Variants in ANKRD17 observed in about 807,000 individuals in gnomAD.
ANKRD17 encodes ankyrin repeat domain-containing protein 17.
Under a neutral mutation model 229.7 loss-of-function variants are expected in ANKRD17, and 19 were observed. That is an observed-to-expected ratio of 0.08 (90% CI 0.06 to 0.12). ANKRD17 has a LOEUF of 0.12. Ranked by LOEUF, ANKRD17 falls within the 10% of genes least tolerant of loss-of-function variation. The pLI, the probability that ANKRD17 is intolerant of heterozygous loss-of-function variation, is 1.00. For missense variants in ANKRD17, 2,176 were observed against 3,176.8 expected (o/e 0.68, Z 7.57); for synonymous variants, 1,112 against 1,146.1 (o/e 0.97, Z 0.60).
rs537285641 is a variant in ANKRD17, at chr4:73,250,688, T to TTTGTTG, written c.393+7582_393+7587dup. 3.6e-3 allele frequency among the ~76,000 whole-genome samples: 541 copies of TTTGTTG among 148,706 alleles called. 5 individuals are homozygous for TTTGTTG. Among genetic ancestry groups the TTTGTTG allele is most frequent in the African/African-American group, 0.011 (447 of 40,134 alleles). On this transcript the variant is annotated intron_variant, in intron 1 of 33. Coordinates refer to ENST00000358602, the MANE Select transcript of ANKRD17 (RefSeq NM_032217.5). ...GAATTCCTCAAGTACTGTAACGGTT[T>TTTGTTG]TTGTTGTTGTTGTTGTTGTTGTTGT...
chr4:73,169,764 G>A (rs1466740099), intron 2 of ANKRD17, among the ~76,000 whole-genome samples: 2 of 152,210 alleles, frequency 1.3e-5, no homozygotes, highest in Non-Finnish European at 2.9e-5. Context: ...GCAACTGTAA[G>A]ACGGAGAGCA....
chr4:73,153,087 G>A (rs1002596901), intron 6 of ANKRD17, among the ~76,000 whole-genome samples: 3 of 152,126 alleles, frequency 2.0e-5, no homozygotes, highest in African/African-American at 7.2e-5. Context: ...AGTGCTGGGT[G>A]CAAAATTTAA....
At chr4:73,113,957 T>G (rs752978909) in intron 23 of ANKRD17, 49 bp from the exon 24 acceptor site, 3 of 1,344,260 alleles carry the variant, frequency 2.2e-6, no homozygotes, top group Non-Finnish European at 3.2e-6. Context: ...CAATTCTCAC[T>G]TAGAGAAATT....
intron 2 of ANKRD17, among the ~76,000 whole-genome samples, chr4:73,166,579 C>A (rs889268523): frequency 1.3e-5 from 2 of 152,124 alleles, no homozygotes; most frequent in Non-Finnish European, 2.9e-5. Context: ...AGCAACCAGA[C>A]AGTGCCTATG....
chr4:73,258,671 C>A lies in ANKRD17; in HGVS notation c.-3G>T. The A allele has an allele frequency of 1.4e-5, 21 of 1,472,976 alleles. No individual in the cohort carries two copies. The highest frequency in any genetic ancestry group is 1.9e-5 in the Non-Finnish European group (21 of 1,121,320). 91.2% of individuals were successfully genotyped at this position (1,472,976 alleles called of 1,614,324 possible). A position where few individuals can be genotyped will look rare whatever the true frequency, so the allele number is the denominator to read the frequency against. ...ACCGGAACCGTCGCCTTCTCCATCCCCAGGGAAAGAGGGAGGGCGCGGACG... is the reference window on the plus strand; with the variant it reads ...ACCGGAACCGTCGCCTTCTCCATCCACAGGGAAAGAGGGAGGGCGCGGACG... On this transcript the variant is annotated 5_prime_UTR_variant, in exon 1 of 34. Coordinates refer to ENST00000358602, the MANE Select transcript of ANKRD17 (RefSeq NM_032217.5).
intron 1 of ANKRD17, among the ~76,000 whole-genome samples, chr4:73,236,964 G>C (rs759902461): frequency 2.0e-5 from 3 of 152,114 alleles, no homozygotes; most frequent in Non-Finnish European, 4.4e-5. Flanking sequence ...GAGAAATAGT[G>C]TAAGAAAAGA....
At chr4:73,155,110 G>A (rs1461291050) in intron 5 of ANKRD17, among the ~76,000 whole-genome samples, 1 of 151,162 alleles carries the variant, frequency 6.6e-6, no homozygotes, top group Non-Finnish European at 1.5e-5. Flanking sequence ...ATATTTCCAT[G>A]AAATTTTAGA....
At chr4:73,088,355 T>C (rs900455087) in intron 29 of ANKRD17, among the ~76,000 whole-genome samples, 18 of 152,196 alleles carry the variant, frequency 1.2e-4, no homozygotes, top group Admixed American at 5.2e-4. Flanking sequence ...AATTAGGTAA[T>C]TGACTTGTAA....
In ANKRD17 at chr4:73,158,614, A is replaced by G. The variant is rs28385487; in HGVS notation, c.705-2448T>C. 9.2e-3 allele frequency among the ~76,000 whole-genome samples: 1,396 copies of G among 152,214 alleles called. 11 individuals carry two copies. Among genetic ancestry groups the G allele is most frequent in the Middle Eastern group, 0.017 (5 of 294 alleles). On this transcript the variant is annotated intron_variant, in intron 3 of 33. Coordinates refer to ENST00000358602, the MANE Select transcript of ANKRD17 (RefSeq NM_032217.5). Reference sequence around the variant, plus strand: ...GGTTTGCATATTTGTCCTCTCCAAAACTCATGTGAAATTTAACCCCAAATG... The same window carrying G: ...GGTTTGCATATTTGTCCTCTCCAAAGCTCATGTGAAATTTAACCCCAAATG...
At position 73,091,165 on chromosome 4, in the gene ANKRD17, C is replaced by T. The variant is rs780749554; in HGVS notation, c.6463G>A (p.Val2155Met). 4 of 1,614,136 alleles carry T rather than the reference C, an allele frequency of 2.5e-6. No individual in the cohort carries two copies. The highest frequency in any genetic ancestry group is 1.7e-5 in the Admixed American group (1 of 60,010). The stretch of plus-strand genomic sequence containing the variant: ...GGTGTCTGAGGCATAGGGTAAGTCA[C>T]TGGGGCAGTAGAAGGCACCGCCACT... ...APVAVPSTAP[V>M]TYPMPQTPMG... Residue 2155 changes from valine (V) to methionine (M), a missense_variant, in exon 29 of 34, where the codon GTG (valine) becomes ATG (methionine). Around this residue, in one of 18 missense-constraint regions of ANKRD17, gnomAD observed 424 missense variants for 454.0 expected, o/e 0.93. Coordinates refer to ENST00000358602, the MANE Select transcript of ANKRD17 (RefSeq NM_032217.5).
chr4:73,076,705 C>A (rs1721035206), intron 33 of ANKRD17, among the ~76,000 whole-genome samples: 1 of 152,140 alleles, frequency 6.6e-6, no homozygotes. Context: ...AACTTAAAAT[C>A]TTTCATTTAT....
chr4:73,121,799 A>G (rs199878110), intron 18 of ANKRD17, 40 bp from the exon 19 acceptor site: 57 of 1,545,512 alleles, frequency 3.7e-5, no homozygotes, highest in Non-Finnish European at 5.0e-5. Context: ...TCTTATGGAG[A>G]GACAAATTAC....
At chr4:73,228,428 T>G (rs1742723419) in intron 1 of ANKRD17, among the ~76,000 whole-genome samples, 1 of 152,134 alleles carries the variant, frequency 6.6e-6, no homozygotes, top group Non-Finnish European at 1.5e-5. Flanking sequence ...ATTTTCTTCT[T>G]TATTAACTAT....
chr4:73,243,864 G>A (rs1744255317), intron 1 of ANKRD17, among the ~76,000 whole-genome samples: 1 of 152,204 alleles, frequency 6.6e-6, no homozygotes, highest in South Asian at 2.1e-4. Flanking sequence ...AGTTACCTAT[G>A]CTGACCTTTC....
intron 6 of ANKRD17, among the ~76,000 whole-genome samples, chr4:73,152,334 C>T (rs984462759): frequency 1.5e-4 from 23 of 152,094 alleles, no homozygotes; most frequent in African/African-American, 4.8e-4. Flanking sequence ...GTATCTGCCG[C>T]GTCTTATATT....
intron 22 of ANKRD17, among the ~76,000 whole-genome samples, chr4:73,117,831 T>G (rs917338461): frequency 6.6e-6 from 1 of 152,160 alleles, no homozygotes; most frequent in South Asian, 2.1e-4. Flanking sequence ...AAACAAACCA[T>G]TAAATCAAAT....
intron 1 of ANKRD17, among the ~76,000 whole-genome samples, chr4:73,207,184 T>G (rs939744593): frequency 9.2e-5 from 14 of 152,296 alleles, no homozygotes; most frequent in Admixed American, 6.5e-4. Flanking sequence ...AGGTAATACA[T>G]ATGTTAATTA....
intron 16 of ANKRD17, 94 bp from the exon 17 acceptor site, chr4:73,125,406 C>A: frequency 1.1e-6 from 1 of 893,708 alleles, no homozygotes; most frequent in Non-Finnish European, 1.7e-6. Context: ...CACACAAATA[C>A]ATATGTACCA....
intron 8 of ANKRD17, 88 bp downstream of exon 8, chr4:73,148,725 A>C: frequency 2.5e-6 from 3 of 1,197,182 alleles, no homozygotes; most frequent in Non-Finnish European, 3.6e-6. Flanking sequence ...ACTCTACTAG[A>C]AAGGTGAAAT....
Sources: gnomAD v4.1 joint callset for allele counts (sites outside exome capture counted in the v4.1 genomes callset) on GRCh38, gnomAD v4.1.1 for gene constraint, gnomAD v4.1.1 regional missense constraint, MANE v1.5 for transcripts, NCBI Gene and HGNC (gene_info 2026-07-23, HGNC 2026-07-21) for gene names.